Variants in ANKS3 observed in about 807,000 individuals in gnomAD.
ANKS3 encodes the protein ankyrin repeat and SAM domain-containing protein 3.
In ANKS3, 62 loss-of-function variants were observed where a neutral mutation model predicts 80.7. The ratio of observed to expected loss-of-function variants is 0.77; its 90% CI spans 0.63 to 0.95. The LOEUF is 0.95. Among genes scored for constraint, ANKS3 ranks in the 40% least tolerant of loss-of-function variants. The probability of loss-of-function intolerance (pLI) is 0.00; values close to 1 mark genes in which losing one functional copy is unlikely to be tolerated. For synonymous variants in ANKS3, 489 were observed against 355.3 expected (o/e 1.38, Z -4.23); for missense variants, 1,150 against 883.6 (o/e 1.30, Z -3.82).
intron 15 of ANKS3, 49 bp from the exon 16 acceptor site, chr16:4,697,465 CAGGCCCTGCTTTATTCTG>C (rs1290341722): frequency 6.9e-7 from 1 of 1,440,168 alleles, no homozygotes; most frequent in Non-Finnish European, 9.4e-7. Flanking sequence ...TGCGTCCCCA[CAGGCCCTGCTTTATTCTG>C]AGCCCATGCA....
chr16:4,728,474 C>T (rs1375731662), intron 3 of ANKS3, among the ~76,000 whole-genome samples: 2 of 152,142 alleles, frequency 1.3e-5, no homozygotes, highest in Non-Finnish European at 2.9e-5. Context: ...AGCCCCTGGC[C>T]AGGGGGGCTG....
At chr16:4,726,112 A>G (rs2081338510) in intron 5 of ANKS3, among the ~76,000 whole-genome samples, 1 of 151,378 alleles carries the variant, frequency 6.6e-6, no homozygotes, top group Non-Finnish European at 1.5e-5. Flanking sequence ...AGTAGCTGGG[A>G]CTACAGGCGC....
At chr16:4,698,135 T>C (rs1027060696) in intron 14 of ANKS3, 73 bp from the exon 15 acceptor site, 17 of 1,471,314 alleles carry the variant, frequency 1.2e-5, no homozygotes, top group Non-Finnish European at 1.5e-5. Context: ...TCAGACCTTC[T>C]AGGGGAGGGA....
rs535396881 is a variant in ANKS3, at chr16:4,729,805, G to C, written c.170+175C>G. The C allele has an allele frequency of 1.3e-5, 7 of 551,862 alleles. No homozygotes were observed. In the East Asian group the frequency reaches 1.6e-4, roughly 13 times the overall value. The allele number at this position is 551,862 out of a possible 1,614,324, so 34.2% of individuals were successfully genotyped here. ...TCTTTTTCTTCCTAGGAATAAAAAC[G>C]GCCTCTTTGTCAGGGCTCAGCATCA... On this transcript the variant is annotated intron_variant, in intron 3 of 17. Coordinates refer to ENST00000304283, the MANE Select transcript of ANKS3 (RefSeq NM_133450.4).
chr16:4,706,253 C>T (rs982664809), intron 7 of ANKS3, among the ~76,000 whole-genome samples: 38 of 151,368 alleles, frequency 2.5e-4, no homozygotes, highest in Admixed American at 2.6e-4. Context: ...TTTTTTGAGA[C>T]GGAGTCTTGC....
intron 6 of ANKS3, among the ~76,000 whole-genome samples, chr16:4,718,577 G>A (rs2080928356): frequency 6.6e-6 from 1 of 152,210 alleles, no homozygotes; most frequent in South Asian, 2.1e-4. Context: ...CCCAGCTCTG[G>A]AGGGACAGGC....
chr16:4,705,411 C>A (rs1017892212), intron 7 of ANKS3, among the ~76,000 whole-genome samples, 158 bp from the exon 8 acceptor site: 1 of 152,152 alleles, frequency 6.6e-6, no homozygotes, highest in African/African-American at 2.4e-5. Flanking sequence ...CCTAACAGGC[C>A]GGGGCGCTGC....
chr16:4,732,392 C>CT (rs777343848), intron 1 of ANKS3, among the ~76,000 whole-genome samples: 2 of 152,176 alleles, frequency 1.3e-5, no homozygotes, highest in African/African-American at 2.4e-5. Flanking sequence ...TCTCTATTTA[C>CT]TGGAGACTTG....
rs1389247298 is a variant in ANKS3 at position 4,727,299 on chromosome 16, C to T, written c.171-122G>A. ...CAGGAAGCAGAAGTTATCTGCCACC[C>T]TGGACGTTGTGGGGATTGGAGGCAG... is the stretch of plus-strand genomic sequence containing the variant. On this transcript the variant is annotated intron_variant, in intron 3 of 17. Coordinates refer to ENST00000304283, the MANE Select transcript of ANKS3 (RefSeq NM_133450.4). 1.0e-5 allele frequency: 10 copies of T among 1,000,112 alleles called. No homozygotes were observed. The Admixed American group carries it at 1.9e-4, about 19-fold the overall frequency. The allele number at this position is 1,000,112 out of a possible 1,614,324, so 62.0% of individuals were successfully genotyped here. A position where few individuals can be genotyped will look rare whatever the true frequency, so the allele number is the denominator to read the frequency against.
intron 6 of ANKS3, among the ~76,000 whole-genome samples, chr16:4,719,599 T>G (rs992215397): frequency 4.0e-5 from 6 of 150,484 alleles, no homozygotes; most frequent in African/African-American, 1.5e-4. Flanking sequence ...GGCCAGGAGT[T>G]CAAGACCAGC....
At chr16:4,732,585 G>A (rs2081683521) in intron 1 of ANKS3, among the ~76,000 whole-genome samples, 1 of 150,190 alleles carries the variant, frequency 6.7e-6, no homozygotes, top group Non-Finnish European at 1.5e-5. Flanking sequence ...AGGAGGCTGA[G>A]GCAAGAGAAT....
chr16:4,730,476 C>T (rs2081561203), intron 2 of ANKS3, among the ~76,000 whole-genome samples: 2 of 152,158 alleles, frequency 1.3e-5, no homozygotes, highest in African/African-American at 2.4e-5. Context: ...AACCTGACAA[C>T]CTCTTGGATG....
intron 6 of ANKS3, among the ~76,000 whole-genome samples, chr16:4,721,514 G>C (rs951650462): frequency 6.6e-6 from 1 of 151,322 alleles, no homozygotes; most frequent in Non-Finnish European, 1.5e-5. Context: ...GGGAGGCTGA[G>C]GCAGGAGGAT....
intron 6 of ANKS3, among the ~76,000 whole-genome samples, chr16:4,722,108 G>C (rs1357947217): frequency 6.6e-6 from 1 of 151,234 alleles, no homozygotes; most frequent in East Asian, 1.9e-4. Flanking sequence ...ACAGGCCTGC[G>C]GTGCACCCAC....
chr16:4,732,970 C>T (rs1301826527), intron 1 of ANKS3, among the ~76,000 whole-genome samples: 1 of 151,832 alleles, frequency 6.6e-6, no homozygotes, highest in Admixed American at 6.6e-5. Flanking sequence ...AAGCCAGGCA[C>T]AGAAAGATAA....
intron 6 of ANKS3, among the ~76,000 whole-genome samples, chr16:4,721,828 G>A (rs943271999): frequency 2.0e-5 from 3 of 150,772 alleles, no homozygotes; most frequent in Admixed American, 6.7e-5. Context: ...GTAGAGGCGG[G>A]TTTCACCACC....
rs1490576370 is a variant in ANKS3 at position 4,702,174 on chromosome 16, G to A, written c.937C>T (p.Leu313Phe). The change falls in exon 9 of 18, where the codon CTC (leucine) becomes TTC (phenylalanine). Residue 313 changes from leucine to phenylalanine, a missense_variant. Physicochemically the swap from Leu to Phe is conservative, Grantham distance 22. Transcript: ENST00000304283. ...SGENPLEEEG[L>F]CCRDVTSPIN... ...GGGGAGGTGACATCCCGGCAGCAGAGGCCCTCTTCTTCCAGGGGGTTCTCG... is the reference window on the plus strand; with the variant it reads ...GGGGAGGTGACATCCCGGCAGCAGAAGCCCTCTTCTTCCAGGGGGTTCTCG... The A allele has an allele frequency of 1.3e-6, 2 of 1,593,986 alleles. No homozygotes were observed. The highest frequency in any genetic ancestry group is 2.3e-5 in the East Asian group (1 of 43,294).
chr16:4,701,709 G>A, intron 9 of ANKS3, 166 bp from the exon 10 acceptor site: 1 of 570,776 alleles, frequency 1.8e-6, no homozygotes, highest in Non-Finnish European at 3.0e-6. Flanking sequence ...CCTCTATACA[G>A]ACGGGCAGGG....
At chr16:4,720,201 C>T (rs1216902651) in intron 6 of ANKS3, among the ~76,000 whole-genome samples, 1 of 146,378 alleles carries the variant, frequency 6.8e-6, no homozygotes, top group Admixed American at 6.9e-5. Context: ...CGGTGGCTCA[C>T]GCCTGTAATC....
Sources: gnomAD v4.1 joint callset for allele counts (sites outside exome capture counted in the v4.1 genomes callset) on GRCh38, gnomAD v4.1.1 for gene constraint, MANE v1.5 for transcripts, NCBI Gene and HGNC (gene_info 2026-07-23, HGNC 2026-07-21) for gene names.